Variants in PLSCR2 observed in about 807,000 individuals in gnomAD.
PLSCR2 encodes the protein phospholipid scramblase 2.
PLSCR2 carries 18 observed loss-of-function variants against 25.3 expected under a neutral mutation model. That is an observed-to-expected ratio of 0.71 (90% CI 0.49 to 1.06). PLSCR2 has a LOEUF of 1.06. PLSCR2 is among the 50% of genes least tolerant of loss of function. The pLI, the probability that PLSCR2 is intolerant of heterozygous loss-of-function variation, is 0.00. For synonymous variants in PLSCR2, 88 were observed against 87.3 expected (o/e 1.01, Z -0.04); for missense variants, 243 against 269.5 (o/e 0.90, Z 0.69).
chr3:146,495,465 C>T (rs1467696068), intron 1 of PLSCR2, among the ~76,000 whole-genome samples: 1 of 152,140 alleles, frequency 6.6e-6, no homozygotes, highest in Non-Finnish European at 1.5e-5. Flanking sequence ...AGTCCTAACT[C>T]CCAGAGGTTT....
intron 6 of PLSCR2, among the ~76,000 whole-genome samples, chr3:146,446,810 G>A (rs1442084851): frequency 1.3e-5 from 2 of 152,106 alleles, no homozygotes; most frequent in Non-Finnish European, 2.9e-5. Context: ...CCAGAGTTGG[G>A]AACCTTAGGA....
At chr3:146,433,483 A>G (rs138943392) in exon 9 of PLSCR2, 61 of 152,260 alleles carry the variant, frequency 4.0e-4, no homozygotes, top group African/African-American at 1.4e-3. Context: ...TAGATCAGTT[A>G]TAGTTTCATT....
intron 6 of PLSCR2, among the ~76,000 whole-genome samples, chr3:146,446,008 A>C (rs2040535428): frequency 6.6e-6 from 1 of 152,040 alleles, no homozygotes; most frequent in South Asian, 2.1e-4. Flanking sequence ...TAGCTATTTC[A>C]ATCTATCTGT....
chr3:146,400,442 C>T (rs987646315), intron 2 of PLSCR2, among the ~76,000 whole-genome samples: 2 of 150,936 alleles, frequency 1.3e-5, no homozygotes, highest in African/African-American at 4.9e-5. Flanking sequence ...ATTTGTAAGA[C>T]CTAAGTACTG....
intron 1 of PLSCR2, among the ~76,000 whole-genome samples, chr3:146,478,784 C>T (rs1344894014): frequency 1.3e-5 from 2 of 152,154 alleles, no homozygotes; most frequent in African/African-American, 4.8e-5. Context: ...CCCCAAGACA[C>T]ATAATTGTCA....
intron 1 of PLSCR2, among the ~76,000 whole-genome samples, chr3:146,483,469 ATATACATGTG>A (rs1560054889): frequency 3.4e-4 from 18 of 53,610 alleles, no homozygotes; most frequent in African/African-American, 1.6e-3. Context: ...ATATATATAT[ATATACATGTG>A]TATATATATA....
At chr3:146,473,153 C>CT (rs200340727) in intron 1 of PLSCR2, among the ~76,000 whole-genome samples, 1 of 152,064 alleles carries the variant, frequency 6.6e-6, no homozygotes, top group Non-Finnish European at 1.5e-5. Context: ...GCCACATCTG[C>CT]TTTTTTTCAT....
chr3:146,411,086 T>C (rs1364003003), intron 2 of PLSCR2, among the ~76,000 whole-genome samples: 1 of 152,092 alleles, frequency 6.6e-6, no homozygotes, highest in Non-Finnish European at 1.5e-5. Flanking sequence ...GTTTTTTTTT[T>C]CTTTCCCGGA....
At chr3:146,413,596 T>C (rs2038921495) in intron 2 of PLSCR2, among the ~76,000 whole-genome samples, 1 of 152,218 alleles carries the variant, frequency 6.6e-6, no homozygotes, top group Non-Finnish European at 1.5e-5. Flanking sequence ...TCTCTGCAAC[T>C]GTGTAATAAG....
At chr3:146,468,632 C>A (rs1434028417) in intron 1 of PLSCR2, among the ~76,000 whole-genome samples, 1 of 152,294 alleles carries the variant, frequency 6.6e-6, no homozygotes, top group East Asian at 1.9e-4. Context: ...TGCTCAAAAA[C>A]CTTTCCTAAC....
intron 2 of PLSCR2, among the ~76,000 whole-genome samples, chr3:146,403,900 A>C (rs542323382): frequency 6.6e-6 from 1 of 152,076 alleles, no homozygotes; most frequent in Non-Finnish European, 1.5e-5. Flanking sequence ...TTTAAACTTA[A>C]CTTCCTCGTA....
intron 2 of PLSCR2, chr3:146,398,842 A>T (rs1477385666): frequency 6.6e-6 from 1 of 152,290 alleles, no homozygotes; most frequent in Non-Finnish European, 1.5e-5. Context: ...TTGAAAATAT[A>T]ATATTGATCC....
chr3:146,419,816 A>T (rs773316991), intron 2 of PLSCR2, among the ~76,000 whole-genome samples: 23 of 152,122 alleles, frequency 1.5e-4, no homozygotes, highest in Non-Finnish European at 2.9e-4. Flanking sequence ...GTCACCTGTG[A>T]TTATATCGAG....
At chr3:146,420,873 CA>C (rs1559980322) in intron 2 of PLSCR2, among the ~76,000 whole-genome samples, 1 of 151,916 alleles carries the variant, frequency 6.6e-6, no homozygotes, top group Non-Finnish European at 1.5e-5. Context: ...CTCATACATA[CA>C]AAAAAGATTC....
At chr3:146,471,860 G>A (rs550801303) in intron 1 of PLSCR2, among the ~76,000 whole-genome samples, 10 of 152,224 alleles carry the variant, frequency 6.6e-5, no homozygotes, top group East Asian at 1.9e-4. Context: ...CACCATGCCC[G>A]GCCAAGATAC....
intron 2 of PLSCR2, among the ~76,000 whole-genome samples, chr3:146,397,707 A>G (rs368377489): frequency 7.2e-5 from 11 of 152,222 alleles, no homozygotes; most frequent in East Asian, 5.8e-4. Context: ...TCTGAAATAT[A>G]AAAAAATGCA....
intron 1 of PLSCR2, among the ~76,000 whole-genome samples, chr3:146,471,256 C>A (rs1157119695): frequency 6.6e-6 from 1 of 152,002 alleles, no homozygotes; most frequent in Non-Finnish European, 1.5e-5. Flanking sequence ...ATAAAAAAAA[C>A]ATTTTATTCT....
At chr3:146,413,416 C>A (rs1313642516) in intron 2 of PLSCR2, among the ~76,000 whole-genome samples, 2 of 152,236 alleles carry the variant, frequency 1.3e-5, no homozygotes, top group East Asian at 3.9e-4. Flanking sequence ...ATTATAAATT[C>A]CATTTTAAGT....
At chr3:146,392,311 G>A (rs375724842) in intron 3 of PLSCR2, among the ~76,000 whole-genome samples, 2 of 152,082 alleles carry the variant, frequency 1.3e-5, no homozygotes, top group East Asian at 1.9e-4. Context: ...TATAGCTCAT[G>A]AGCACTTGAT....
Sources: allele counts gnomAD v4.1 joint callset (sites outside exome capture counted in the v4.1 genomes callset), GRCh38; gene constraint gnomAD v4.1.1; transcripts MANE v1.5; gene names NCBI Gene and HGNC (gene_info 2026-07-23, HGNC 2026-07-21).